The following FLYWCH2 variants were observed in gnomAD, a reference collection of about 807,000 sequenced individuals.
The protein encoded by FLYWCH2 is FLYWCH family member 2.
A neutral mutation model predicts 6.0 loss-of-function variants in FLYWCH2; 2 were observed. The ratio of observed to expected loss-of-function variants is 0.33; its 90% CI spans 0.14 to 1.04. The LOEUF is 1.04. Ranked by LOEUF, FLYWCH2 falls within the 50% of genes least tolerant of loss-of-function variation. FLYWCH2 has a pLI of 0.45. For missense variants in FLYWCH2, 192 were observed against 183.4 expected, an observed-to-expected ratio of 1.05 and a Z score of -0.27; for synonymous variants, 87 against 79.3, an observed-to-expected ratio of 1.10 and a Z score of -0.52.
At chr16:2,886,923 A>G (rs2069705180) in intron 1 of FLYWCH2, among the ~76,000 whole-genome samples, 1 of 152,074 alleles carries the variant, frequency 6.6e-6, no homozygotes, top group South Asian at 2.1e-4. Context: ...ATGATTTGCA[A>G]ACATTTTTTC....
chr16:2,894,984 G>A (rs561976408), intron 1 of FLYWCH2, among the ~76,000 whole-genome samples: 1 of 152,256 alleles, frequency 6.6e-6, no homozygotes, highest in Admixed American at 6.5e-5. Flanking sequence ...GCCTTGTCCT[G>A]CCTGGGTCCT....
chr16:2,883,473 G>C (rs1413648109), intron 1 of FLYWCH2, 107 bp downstream of exon 1: 1 of 152,634 alleles, frequency 6.6e-6, no homozygotes, highest in East Asian at 1.9e-4. Context: ...CTGAGGAGGG[G>C]TCCGCGTCCT....
At chr16:2,887,798 T>C (rs8063902) in intron 1 of FLYWCH2, among the ~76,000 whole-genome samples, 76,069 of 151,334 alleles carry the variant, frequency 0.5, 19,598 homozygotes, top group Non-Finnish European at 0.55. Flanking sequence ...AACTCCTGGG[T>C]TCAAGCGATC....
chr16:2,891,593 G>A (rs1465903339), intron 1 of FLYWCH2, among the ~76,000 whole-genome samples: 1 of 152,064 alleles, frequency 6.6e-6, no homozygotes, highest in Non-Finnish European at 1.5e-5. Context: ...TTTTAGTAGA[G>A]ATGGGGTTTC....
At chr16:2,896,918 G>C in intron 3 of FLYWCH2, 147 bp downstream of exon 3, 2 of 791,334 alleles carry the variant, frequency 2.5e-6, no homozygotes, top group South Asian at 3.6e-5. Context: ...TGGCACAGGG[G>C]TTAGGGCACA....
intron 1 of FLYWCH2, among the ~76,000 whole-genome samples, chr16:2,894,334 T>C (rs1018022584): frequency 2.0e-5 from 3 of 151,802 alleles, no homozygotes; most frequent in African/African-American, 4.8e-5. Flanking sequence ...GGACCCGGGG[T>C]GGACTCGGAC....
At chr16:2,895,933 T>C (rs900959313) in intron 2 of FLYWCH2, among the ~76,000 whole-genome samples, 2 of 152,182 alleles carry the variant, frequency 1.3e-5, no homozygotes, top group African/African-American at 4.8e-5. Flanking sequence ...CACCCTGGCA[T>C]GTCTCAGTGT....
In FLYWCH2 at chr16:2,899,275, T is replaced by TC; in HGVS notation, c.*126_*127insC. The TC allele has an allele frequency of 1.7e-6, 1 of 578,524 alleles. No homozygotes were observed. Among genetic ancestry groups the TC allele is most frequent in the South Asian group, 2.6e-5 (1 of 37,794 alleles). The allele number at this position is 578,524 out of a possible 1,614,324, so 35.8% of individuals were successfully genotyped here. A position where few individuals can be genotyped will look rare whatever the true frequency, so the allele number is the denominator to read the frequency against. On this transcript the variant is annotated 3_prime_UTR_variant, in exon 4 of 4. Coordinates refer to ENST00000396958, the MANE Select transcript of FLYWCH2 (RefSeq NM_138439.3). ...CATTGTGTGATTTCTTTTCTTTTTT[T>TC]TTTTTTTTTTAGATCAAGTATAAGT...
intron 1 of FLYWCH2, among the ~76,000 whole-genome samples, chr16:2,894,557 C>T (rs1457487935): frequency 6.6e-6 from 1 of 152,212 alleles, no homozygotes; most frequent in Non-Finnish European, 1.5e-5. Context: ...CCCTGTGAGG[C>T]AGATGAGCAG....
chr16:2,885,516 T>C (rs2069689305), intron 1 of FLYWCH2, among the ~76,000 whole-genome samples: 1 of 152,168 alleles, frequency 6.6e-6, no homozygotes, highest in Non-Finnish European at 1.5e-5. Flanking sequence ...TCTGTCTCCA[T>C]AGATTTTCCT....
chr16:2,887,480 A>T (rs2069712081), intron 1 of FLYWCH2, among the ~76,000 whole-genome samples: 1 of 151,140 alleles, frequency 6.6e-6, no homozygotes, highest in Non-Finnish European at 1.5e-5. Context: ...ATTTAGAGTT[A>T]ATTTTTGTAT....
At chr16:2,889,056 T>C (rs111856966) in intron 1 of FLYWCH2, among the ~76,000 whole-genome samples, 4 of 152,100 alleles carry the variant, frequency 2.6e-5, no homozygotes, top group African/African-American at 9.7e-5. Context: ...CCAGAACGCA[T>C]AAAAATGATT....
At chr16:2,898,280 G>T (rs915610056) in intron 3 of FLYWCH2, among the ~76,000 whole-genome samples, 14 of 152,138 alleles carry the variant, frequency 9.2e-5, no homozygotes, top group African/African-American at 3.4e-4. Context: ...CAGTGCTCTG[G>T]GACTCAGAGG....
At chr16:2,896,825 C>T (rs756492167) in intron 3 of FLYWCH2, 54 bp downstream of exon 3, 2 of 1,515,094 alleles carry the variant, frequency 1.3e-6, no homozygotes, top group Admixed American at 2.0e-5. Context: ...AGGGTGGCCC[C>T]CACAGCCGCG....
At chr16:2,889,271 C>G (rs1342519274) in intron 1 of FLYWCH2, among the ~76,000 whole-genome samples, 2 of 148,376 alleles carry the variant, frequency 1.3e-5, no homozygotes, top group African/African-American at 5.0e-5. Context: ...AATACAGTGG[C>G]CCGATCTTGG....
chr16:2,889,242 G>A (rs1275782033), intron 1 of FLYWCH2, among the ~76,000 whole-genome samples: 2 of 134,892 alleles, frequency 1.5e-5, no homozygotes, highest in Admixed American at 1.7e-4. Flanking sequence ...ACGGAGTCTC[G>A]CTCTGTCACA....
intron 1 of FLYWCH2, among the ~76,000 whole-genome samples, chr16:2,892,902 C>T (rs367792774): frequency 2.4e-5 from 1 of 41,304 alleles, no homozygotes; most frequent in African/African-American, 6.9e-5. Flanking sequence ...GTATATATGT[C>T]ATATAATATA....
Position 2,883,970 on chromosome 16 carries a change from G to A in FLYWCH2, c.-200+604G>A, listed in dbSNP as rs2069668997. On this transcript the variant is annotated intron_variant, in intron 1 of 3. Coordinates refer to ENST00000396958, the MANE Select transcript of FLYWCH2 (RefSeq NM_138439.3). ...CCGCGCTGCACACCTTAGAGTAGCAGTTCTTGGCCTTCTTGGGGCAGGGGT... is the reference window on the plus strand; with the variant it reads ...CCGCGCTGCACACCTTAGAGTAGCAATTCTTGGCCTTCTTGGGGCAGGGGT... Among the ~76,000 whole-genome samples the A allele has an allele frequency of 2.0e-5, 3 of 152,218 alleles. No homozygotes were observed. In the South Asian group the frequency reaches 6.2e-4, roughly 31 times the overall value.
At position 2,899,063 on chromosome 16, in the gene FLYWCH2, G is replaced by C; in HGVS notation, c.337G>C (p.Glu113Gln). ...SRQDPGTDRT[E>Q]DSGLAAGPPE... ...TTCTCTCGCAGGCACAGACAGAACA[G>C]AAGACAGTGGATTAGCAGCGGGGCC... The change falls in exon 4 of 4, where the codon GAA becomes CAA. Residue 113 changes from glutamate (E) to glutamine (Q), a missense_variant. By Grantham distance (29) the Glu-to-Gln change is conservative. Transcript: ENST00000396958. 6.2e-7 allele frequency: 1 copy of C among 1,613,632 alleles called. No individual in the cohort carries two copies. Among genetic ancestry groups the C allele is most frequent in the Non-Finnish European group, 8.5e-7 (1 of 1,179,816 alleles).
Sources: allele counts gnomAD v4.1 joint callset (sites outside exome capture counted in the v4.1 genomes callset), GRCh38; gene constraint gnomAD v4.1.1; transcripts MANE v1.5; gene names NCBI Gene and HGNC (gene_info 2026-07-23, HGNC 2026-07-21).